DPP10: variants seen among roughly 807,000 people sequenced by gnomAD.
DPP10 encodes dipeptidyl peptidase like 10, also known as inactive dipeptidyl peptidase 10.
In DPP10, 33 loss-of-function variants were observed where a neutral mutation model predicts 120.9. The ratio of observed to expected loss-of-function variants is 0.27; its 90% confidence interval spans 0.21 to 0.37. The LOEUF is 0.37. Ranked by LOEUF, DPP10 falls within the 10% of genes least tolerant of loss-of-function variation. The probability of loss-of-function intolerance (pLI) is 1.00; values close to 1 mark genes in which losing one functional copy is unlikely to be tolerated. For missense variants in DPP10, 816 were observed against 942.8 expected (o/e 0.87, Z 1.76); for synonymous variants, 337 against 326.1 (o/e 1.03, Z -0.36).
intron 1 of DPP10, among the ~76,000 whole-genome samples, chr2:114,670,535 T>C (rs1205962150): frequency 8.1e-6 from 1 of 123,644 alleles, no homozygotes; most frequent in East Asian, 2.4e-4. Context: ...TGTTGTGGGG[T>C]GGGGGGAGTG....
At chr2:114,781,381 A>G (rs745973738) in intron 1 of DPP10, among the ~76,000 whole-genome samples, 1 of 152,162 alleles carries the variant, frequency 6.6e-6, no homozygotes, top group South Asian at 2.1e-4. Flanking sequence ...TGTTTAAAAT[A>G]TCAGCAAGTG....
chr2:114,797,757 G>C (rs1286511148), intron 1 of DPP10, among the ~76,000 whole-genome samples: 2 of 152,222 alleles, frequency 1.3e-5, no homozygotes, highest in South Asian at 4.1e-4. Flanking sequence ...AGCGTAGGTA[G>C]ATTCTGTCCC....
chr2:115,220,606 A>AT (rs1476000904), intron 1 of DPP10, among the ~76,000 whole-genome samples: 5 of 152,138 alleles, frequency 3.3e-5, no homozygotes, highest in Non-Finnish European at 7.4e-5. Flanking sequence ...CCACAAAGTC[A>AT]TTTGTTTGCA....
intron 5 of DPP10, among the ~76,000 whole-genome samples, chr2:115,670,848 T>C (rs938574493): frequency 6.6e-6 from 1 of 152,128 alleles, no homozygotes; most frequent in African/African-American, 2.4e-5. Context: ...GGCATCTCCC[T>C]CTGACTTCAA....
chr2:115,055,112 G>A (rs1030814432), intron 1 of DPP10, among the ~76,000 whole-genome samples: 3 of 151,916 alleles, frequency 2.0e-5, no homozygotes, highest in African/African-American at 7.3e-5. Context: ...CATGCTATTG[G>A]TCTACCTTGG....
chr2:115,432,660 TGTGTG>T (rs1559597743), intron 3 of DPP10, among the ~76,000 whole-genome samples: 1 of 21,414 alleles, frequency 4.7e-5, no homozygotes, highest in African/African-American at 2.9e-4. Context: ...TAGGCAATTT[TGTGTG>T]TGTGTGTGTG....
chr2:115,533,524 A>G (rs983120972), intron 5 of DPP10, among the ~76,000 whole-genome samples: 8 of 152,122 alleles, frequency 5.3e-5, no homozygotes, highest in Non-Finnish European at 1.2e-4. Flanking sequence ...TCCTGCATGC[A>G]CTACTGCTTT....
At chr2:115,715,839 A>G (rs1180346962) in intron 7 of DPP10, among the ~76,000 whole-genome samples, 1 of 152,264 alleles carries the variant, frequency 6.6e-6, no homozygotes, top group Non-Finnish European at 1.5e-5. Context: ...TATGAAACTT[A>G]CAATATCATT....
chr2:115,577,414 G>A (rs905146217), intron 5 of DPP10, among the ~76,000 whole-genome samples: 13 of 152,134 alleles, frequency 8.5e-5, no homozygotes, highest in African/African-American at 3.1e-4. Flanking sequence ...TTCATTTGTC[G>A]ATGGCACTGA....
At chr2:115,344,207 GGT>G (rs1230899861) in intron 3 of DPP10, among the ~76,000 whole-genome samples, 1 of 151,888 alleles carries the variant, frequency 6.6e-6, no homozygotes, top group Non-Finnish European at 1.5e-5. Flanking sequence ...AGATTACATG[GGT>G]ATTATTTAAA....
chr2:115,119,404 C>G (rs568435297), intron 1 of DPP10, among the ~76,000 whole-genome samples: 1 of 152,284 alleles, frequency 6.6e-6, no homozygotes, highest in South Asian at 2.1e-4. Flanking sequence ...ATTGTTTTAG[C>G]AAGACAGATT....
chr2:114,574,062 A>T (rs1373080143), intron 1 of DPP10, among the ~76,000 whole-genome samples: 2 of 152,144 alleles, frequency 1.3e-5, no homozygotes, highest in African/African-American at 2.4e-5. Flanking sequence ...TTCCAAGTGG[A>T]TCAGAAATAT....
intron 1 of DPP10, among the ~76,000 whole-genome samples, chr2:114,971,008 AT>A (rs1284357358): frequency 4.0e-4 from 61 of 152,324 alleles, no homozygotes; most frequent in African/African-American, 1.3e-3. Flanking sequence ...CAATTAGGTA[AT>A]CCAGGGAGAT....
chr2:115,203,071 G>A (rs979248538), intron 1 of DPP10, among the ~76,000 whole-genome samples: 1 of 152,166 alleles, frequency 6.6e-6, no homozygotes, highest in Non-Finnish European at 1.5e-5. Flanking sequence ...AAAACAGTCA[G>A]CTCTCTATGG....
chr2:115,081,928 C>T lies in DPP10; in HGVS notation c.61-227311C>T, dbSNP rs925535510. ...TCTGCATTAGATTTTGATTCCATTCCCAGAAGGCCTCTGCTAGGAAATCAA... is the reference window on the plus strand; with the variant it reads ...TCTGCATTAGATTTTGATTCCATTCTCAGAAGGCCTCTGCTAGGAAATCAA... On this transcript the variant is annotated intron_variant, in intron 1 of 25. Transcript: ENST00000410059. Among the ~76,000 whole-genome samples, 13 of 152,234 alleles carry T rather than the reference C, an allele frequency of 8.5e-5. No homozygotes were observed. The East Asian group carries it at 2.3e-3, about 27-fold the overall frequency.
intron 16 of DPP10, among the ~76,000 whole-genome samples, chr2:115,781,950 T>TC (rs1278286291): frequency 6.6e-6 from 1 of 152,052 alleles, no homozygotes; most frequent in Non-Finnish European, 1.5e-5. Flanking sequence ...ATGCGTGCTT[T>TC]CTTTTTTTGG....
intron 1 of DPP10, among the ~76,000 whole-genome samples, chr2:115,079,006 A>G (rs150787297): frequency 1.1e-3 from 167 of 152,310 alleles, no homozygotes; most frequent in African/African-American, 3.3e-3. Context: ...TTTTTCTTCA[A>G]TAATTTAACA....
rs79852484 is a variant in DPP10 at position 115,339,355 on chromosome 2, G to T, written c.176-4462G>T. Among the ~76,000 whole-genome samples, 11 of 152,122 alleles carry T rather than the reference G, an allele frequency of 7.2e-5. No homozygotes were observed. In the East Asian group the frequency reaches 2.1e-3, roughly 29 times the overall value. On this transcript the variant is annotated intron_variant, in intron 2 of 25. Transcript: ENST00000410059. ...AAACTGGATCATTTATACATTGCTG[G>T]TGAGAATGTAAAATGGTAAAACTAC...
At position 114,718,518 on chromosome 2, in the gene DPP10, T is replaced by A. The variant is rs368059587; in HGVS notation, c.60+275680T>A. Among the ~76,000 whole-genome samples, 5 of 151,718 alleles carry A rather than the reference T, an allele frequency of 3.3e-5. No homozygotes were observed. In the East Asian group the frequency reaches 7.8e-4, roughly 24 times the overall value. The stretch of plus-strand genomic sequence containing the variant: ...ATTGGATAGATATAGATTGTTTCCA[T>A]CATCACAGATAGTTAGTTCTATGGT... On this transcript the variant is annotated intron_variant, in intron 1 of 25. Coordinates refer to ENST00000410059, the MANE Select transcript of DPP10 (RefSeq NM_020868.6).
Sources: gnomAD v4.1 joint callset for allele counts (sites outside exome capture counted in the v4.1 genomes callset) on GRCh38, gnomAD v4.1.1 for gene constraint, MANE v1.5 for transcripts, NCBI Gene and HGNC (gene_info 2026-07-23, HGNC 2026-07-21) for gene names.